Variants in CLK4 observed in about 807,000 individuals in gnomAD.
CLK4 encodes CDC like kinase 4, also known as dual specificity protein kinase CLK4.
A neutral mutation model predicts 64.4 loss-of-function variants in CLK4; 37 were observed. The observed-to-expected ratio is 0.57, with a 90% CI of 0.44 to 0.76. CLK4 has a LOEUF of 0.76. Ranked by LOEUF, CLK4 falls within the 30% of genes least tolerant of loss-of-function variation. The pLI is 0.00. For synonymous variants in CLK4, 175 were observed against 191.6 expected, an observed-to-expected ratio of 0.91 and a Z score of 0.72; for missense variants, 457 against 605.1, an observed-to-expected ratio of 0.76 and a Z score of 2.57.
intron 2 of CLK4, among the ~76,000 whole-genome samples, chr5:178,620,865 A>G (rs893372375): frequency 1.3e-5 from 2 of 152,230 alleles, no homozygotes; most frequent in Non-Finnish European, 2.9e-5. Flanking sequence ...AATAATTACA[A>G]AAAAGATGGA....
At chr5:178,621,168 T>C (rs1410563218) in intron 2 of CLK4, among the ~76,000 whole-genome samples, 1 of 152,184 alleles carries the variant, frequency 6.6e-6, no homozygotes. Context: ...TTATCAACAG[T>C]ATCAAATATG....
rs1234624551 is a variant in CLK4, at chr5:178,618,759, A to G, written c.181T>C (p.Ser61Pro). The change falls in exon 3 of 13, where the codon TCC becomes CCC. Residue 61 changes from serine (S) to proline (P), a missense_variant. Physicochemically the swap from Ser to Pro is moderately conservative, Grantham distance 74. Transcript: ENST00000316308. Reference protein sequence around the residue: ...ESDCHYLEARSLNERDYRDRR... With the variant: ...ESDCHYLEARPLNERDYRDRR... ...TCCCGATAATCTCGCTCATTCAAGG[A>G]CCTTGCTTCTAAATAATGACTGCAA... The G allele has an allele frequency of 1.9e-6, 3 of 1,612,970 alleles. No homozygotes were observed. In the African/African-American group the frequency reaches 4.0e-5, roughly 22 times the overall value.
rs752625514 is a variant in CLK4 at position 178,613,648 on chromosome 5, G to C, written c.660-9C>G. The C allele has an allele frequency of 3.1e-6, 5 of 1,607,374 alleles. No homozygotes were observed. The highest frequency in any genetic ancestry group is 4.2e-6 in the Non-Finnish European group (5 of 1,176,668). On this transcript the variant is annotated splice_polypyrimidine_tract_variant and intron_variant, in intron 6 of 12. Coordinates refer to ENST00000316308, the MANE Select transcript of CLK4 (RefSeq NM_020666.3). ...GCATCTGGACACATCGGCTAAAACA[G>C]AGCAAAATAATAATTCAGTTTATGG...
chr5:178,611,906 T>G (rs1764562906), intron 9 of CLK4, among the ~76,000 whole-genome samples: 1 of 152,232 alleles, frequency 6.6e-6, no homozygotes, highest in East Asian at 1.9e-4. Context: ...TAACACTCCC[T>G]TAATAAGTCC....
intron 2 of CLK4, chr5:178,622,537 CT>C (rs1764721237): frequency 2.4e-6 from 1 of 423,940 alleles, no homozygotes; most frequent in Non-Finnish European, 3.2e-6. Flanking sequence ...CTTACCTAGC[CT>C]TTCTTTAATC....
At position 178,616,927 on chromosome 5, in the gene CLK4, C is replaced by A; in HGVS notation, c.497G>T (p.Gly166Val). 6.2e-7 allele frequency: 1 copy of A among 1,613,670 alleles called. No homozygotes were observed. Among genetic ancestry groups the A allele is most frequent in the Non-Finnish European group, 8.5e-7 (1 of 1,179,576 alleles). ...RARYEIVDTL[G>V]EGAFGKVVEC... ...TACAACTTTGCCAAAGGCTCCTTCA[C>A]CCAAAGTGTCCACGATTTCATCTAG... The change falls in exon 5 of 13, where the codon GGT becomes GTT. Residue 166 changes from glycine to valine, a missense_variant. Coordinates refer to ENST00000316308, the MANE Select transcript of CLK4 (RefSeq NM_020666.3).
Position 178,606,737 on chromosome 5 carries a change from T to C in CLK4, c.1135-1355A>G, listed in dbSNP as rs192609201. Among the ~76,000 whole-genome samples the C allele has an allele frequency of 3.4e-3, 517 of 151,916 alleles. 1 individual carries two copies. Among genetic ancestry groups the C allele is most frequent in the African/African-American group, 0.011 (466 of 41,428 alleles). ...CAGCACTTTGGGAGGCCAAGGAGGG[T>C]AGATCACTTGAGGTCAGGAGTTCGA... On this transcript the variant is annotated intron_variant, in intron 10 of 12. Transcript: ENST00000316308.
intron 8 of CLK4, 106 bp downstream of exon 8, chr5:178,612,690 C>T (rs1003901035): frequency 1.2e-5 from 13 of 1,085,220 alleles, no homozygotes; most frequent in Non-Finnish European, 1.6e-5. Context: ...TTTGGTTAAA[C>T]AACAGGATAT....
Position 178,617,807 on chromosome 5 carries a change from GT to G in CLK4, c.385-374del, listed in dbSNP as rs1460384515. Reference sequence around the variant, plus strand: ...CATATGCTGTGAATTGAGATGTCTAGTTTTTCAGAAAAATGTTTTAAAATGT... The same window carrying G: ...CATATGCTGTGAATTGAGATGTCTAGTTTTCAGAAAAATGTTTTAAAATGT... On this transcript the variant is annotated intron_variant, in intron 3 of 12. Transcript: ENST00000316308. This position sits in a 1 kb window ranked among gnomAD's most constrained non-coding sequence, Gnocchi z 5.2. The G allele has an allele frequency of 6.4e-6, 1 of 155,834 alleles. No homozygotes were observed. The highest frequency in any genetic ancestry group is 6.5e-5 in the Admixed American group (1 of 15,420). 9.7% of individuals were successfully genotyped at this position (155,834 alleles called of 1,614,324 possible). A position where few individuals can be genotyped will look rare whatever the true frequency, so the allele number is the denominator to read the frequency against.
chr5:178,626,688 A>C (rs1275194461), intron 1 of CLK4, among the ~76,000 whole-genome samples: 1 of 147,848 alleles, frequency 6.8e-6, no homozygotes, highest in Non-Finnish European at 1.5e-5. Flanking sequence ...CTCGCCAGGC[A>C]GCAGGGGACC....
In CLK4 at chr5:178,609,453, C is replaced by T. The variant is rs370479253; in HGVS notation, c.1052-995G>A. 5.6e-4 allele frequency among the ~76,000 whole-genome samples: 85 copies of T among 152,088 alleles called. No individual in the cohort carries two copies. The East Asian group carries it at 9.3e-3, about 17-fold the overall frequency. On this transcript the variant is annotated intron_variant, in intron 9 of 12. Transcript: ENST00000316308. ...ATCCCAGCACTTTGGGAGGCCGAGGCGGGTGGATCACCAGGTTGGCAGTTC... is the reference window on the plus strand; with the variant it reads ...ATCCCAGCACTTTGGGAGGCCGAGGTGGGTGGATCACCAGGTTGGCAGTTC...
intron 1 of CLK4, among the ~76,000 whole-genome samples, chr5:178,624,148 A>T (rs1224402699): frequency 6.6e-6 from 1 of 152,170 alleles, no homozygotes; most frequent in Non-Finnish European, 1.5e-5. Flanking sequence ...TTCTGTGTGG[A>T]TAGAACACAA....
chr5:178,612,583 GA>G (rs1764572485), intron 8 of CLK4, 38 bp from the exon 9 acceptor site: 2 of 1,602,968 alleles, frequency 1.2e-6, no homozygotes, highest in African/African-American at 2.7e-5. Flanking sequence ...AAACTCAATA[GA>G]TACATTTTAT....
intron 9 of CLK4, 58 bp from the exon 10 acceptor site, chr5:178,608,516 T>C (rs1764498497): frequency 1.5e-6 from 2 of 1,312,052 alleles, no homozygotes; most frequent in East Asian, 2.3e-5. Flanking sequence ...TGACAGTACA[T>C]TAAATCCTTC....
intron 8 of CLK4, 43 bp from the exon 9 acceptor site, chr5:178,612,588 A>T (rs1562128274): frequency 6.3e-7 from 1 of 1,595,312 alleles, no homozygotes; most frequent in Non-Finnish European, 8.6e-7. Context: ...CAATAGATAC[A>T]TTTTATAGCG....
intron 10 of CLK4, 62 bp downstream of exon 10, chr5:178,608,314 A>G: frequency 8.2e-7 from 1 of 1,218,194 alleles, no homozygotes; most frequent in Non-Finnish European, 1.2e-6. Flanking sequence ...TCAAAACTTT[A>G]GCATACCTTT....
intron 2 of CLK4, chr5:178,619,988 C>T: frequency 2.3e-6 from 1 of 429,142 alleles, no homozygotes; most frequent in Non-Finnish European, 4.8e-6. Context: ...CTAGATTGCC[C>T]TCACCAACCC....
intron 9 of CLK4, among the ~76,000 whole-genome samples, chr5:178,611,670 T>A: frequency 6.6e-6 from 1 of 152,188 alleles, no homozygotes; most frequent in East Asian, 1.9e-4. Flanking sequence ...CCAAGTCCCG[T>A]TGGACACACA....
intron 11 of CLK4, chr5:178,604,352 G>T (rs897713521): frequency 1.3e-5 from 2 of 152,334 alleles, no homozygotes; most frequent in African/African-American, 4.9e-5. Context: ...TTCACACTTA[G>T]AGTGATATGA....
Sources: gnomAD v4.1 joint callset for allele counts (sites outside exome capture counted in the v4.1 genomes callset) on GRCh38, gnomAD v4.1.1 for gene constraint, Gnocchi (gnomAD v3.1) non-coding constraint, MANE v1.5 for transcripts, NCBI Gene and HGNC (gene_info 2026-07-23, HGNC 2026-07-21) for gene names.